The following SPOUT1 variants were observed in gnomAD, a reference collection of about 807,000 sequenced individuals.
SPOUT1 encodes the protein SPOUT domain containing methyltransferase 1.
A neutral mutation model predicts 54.8 loss-of-function variants in SPOUT1; 40 were observed. The observed-to-expected ratio is 0.73, with a 90% CI of 0.57 to 0.95. SPOUT1 has a LOEUF of 0.95. Among genes scored for constraint, SPOUT1 ranks in the 40% least tolerant of loss-of-function variants. SPOUT1 has a pLI of 0.00. For missense variants in SPOUT1, 437 were observed against 499.5 expected, an observed-to-expected ratio of 0.87 and a Z score of 1.19; for synonymous variants, 193 against 200.3, an observed-to-expected ratio of 0.96 and a Z score of 0.31.
In SPOUT1 at chr9:128,825,029, G is replaced by A. The variant is rs984805935; in HGVS notation, c.660C>T (p.Asn220=). Residue 220 remains asparagine (N), a synonymous_variant, in exon 8 of 12, where the codon AAC becomes AAT. Transcript: ENST00000361256. Reference sequence around the variant, plus strand: ...CAGTCACCCGAAGCCCGGGCTCCAGGTTCTTGTCAATCTTCACCTCCTGGG... The same window carrying A: ...CAGTCACCCGAAGCCCGGGCTCCAGATTCTTGTCAATCTTCACCTCCTGGG... ...GMKKEVKIDK[N]LEPGLRVTVR... The A allele has an allele frequency of 6.3e-6, 10 of 1,575,308 alleles. No individual in the cohort carries two copies. The highest frequency in any genetic ancestry group is 1.9e-4 in the Middle Eastern group (1 of 5,164).
intron 3 of SPOUT1, 100 bp from the exon 4 acceptor site, chr9:128,827,291 C>T (rs1455575926): frequency 1.7e-6 from 2 of 1,188,522 alleles, no homozygotes; most frequent in African/African-American, 1.5e-5. Flanking sequence ...TGAGAATTTC[C>T]CAAGTGGGAG....
intron 7 of SPOUT1, among the ~76,000 whole-genome samples, chr9:128,825,325 CTTT>C (rs11396054): frequency 6.6e-6 from 1 of 151,916 alleles, no homozygotes; most frequent in Non-Finnish European, 1.5e-5. Context: ...AGCTCTGCAA[CTTT>C]TTTTTCTTTT....
chr9:128,829,173 G>C lies in SPOUT1; in HGVS notation c.37-18C>G. On this transcript the variant is annotated intron_variant, in intron 1 of 11. Transcript: ENST00000361256. ...TGTTCACCCTGGAGAAGGAGTGGTAGGAGGATTATGAGTGTGAGGCTGATG... is the reference window on the plus strand; with the variant it reads ...TGTTCACCCTGGAGAAGGAGTGGTACGAGGATTATGAGTGTGAGGCTGATG... 6.2e-7 allele frequency: 1 copy of C among 1,611,324 alleles called. No homozygotes were observed. Among genetic ancestry groups the C allele is most frequent in the Non-Finnish European group, 8.5e-7 (1 of 1,177,432 alleles).
rs200240370 is a variant in SPOUT1, at chr9:128,825,028, G to A, written c.661C>T (p.Leu221=). The change falls in exon 8 of 12, where the codon CTG becomes TTG. Residue 221 remains leucine (L), a synonymous_variant. Coordinates refer to ENST00000361256, the MANE Select transcript of SPOUT1 (RefSeq NM_016390.4). ...MKKEVKIDKN[L]EPGLRVTVRL... Reference sequence around the variant, plus strand: ...ACAGTCACCCGAAGCCCGGGCTCCAGGTTCTTGTCAATCTTCACCTCCTGG... The same window carrying A: ...ACAGTCACCCGAAGCCCGGGCTCCAAGTTCTTGTCAATCTTCACCTCCTGG... The A allele has an allele frequency of 4.4e-6, 7 of 1,575,922 alleles. No individual in the cohort carries two copies. The highest frequency in any genetic ancestry group is 4.0e-5 in the African/African-American group (3 of 74,316).
rs1481501332 is a variant in SPOUT1, at chr9:128,826,370, C to T, written c.508+14G>A. 1 of 1,613,576 alleles carries T rather than the reference C, an allele frequency of 6.2e-7. No homozygotes were observed. The highest frequency in any genetic ancestry group is 1.3e-5 in the African/African-American group (1 of 75,010). ...ATCCAGGGGAAATGGGGGGGCGGGC[C>T]CATACAGCGTTACCTGCAAACTGTA... is the stretch of plus-strand genomic sequence containing the variant. On this transcript the variant is annotated intron_variant, in intron 6 of 11. Transcript: ENST00000361256. The surrounding 1 kb of genome is among the most constrained non-coding windows in gnomAD (Gnocchi z 5.5).
intron 1 of SPOUT1, among the ~76,000 whole-genome samples, chr9:128,829,441 C>A (rs763846205): frequency 6.6e-6 from 1 of 152,184 alleles, no homozygotes; most frequent in Non-Finnish European, 1.5e-5. Context: ...CCCACAGTCG[C>A]CCTGGAAGTC....
At position 128,826,312 on chromosome 9, in the gene SPOUT1, G is replaced by C; in HGVS notation, c.508+72C>G. 3.2e-6 allele frequency: 5 copies of C among 1,578,760 alleles called. No individual in the cohort carries two copies. On this transcript the variant is annotated intron_variant, in intron 6 of 11. Transcript: ENST00000361256. The surrounding 1 kb of genome is among the most constrained non-coding windows in gnomAD (Gnocchi z 5.5). ...TGCTTTCCCACCTGGACAGCGCAGGGTAGGACTGGGTGGTCTCAGTGTCTG... is the reference window on the plus strand; with the variant it reads ...TGCTTTCCCACCTGGACAGCGCAGGCTAGGACTGGGTGGTCTCAGTGTCTG...
rs768068689 is a variant in SPOUT1 at position 128,822,684 on chromosome 9, C to G, written c.*81G>C. ...AAGGTGGTGATTTTTGGAGACAAGT[C>G]TGGTGGCGTCCGTCCCAAGTGACCT... On this transcript the variant is annotated 3_prime_UTR_variant, in exon 12 of 12. Coordinates refer to ENST00000361256, the MANE Select transcript of SPOUT1 (RefSeq NM_016390.4). 6.4e-7 allele frequency: 1 copy of G among 1,553,428 alleles called. No individual in the cohort carries two copies. The highest frequency in any genetic ancestry group is 1.4e-5 in the African/African-American group (1 of 73,248).
At position 128,822,254 on chromosome 9, in the gene SPOUT1, G is replaced by A. The variant is rs1589590817; in HGVS notation, c.*511C>T. On this transcript the variant is annotated 3_prime_UTR_variant, in exon 12 of 12. Transcript: ENST00000361256. ...TGACAGAAGTTAGAGGACAGATCAG[G>A]GAAGGCTGCCTGGAAGAGGTGGCTT... The A allele has an allele frequency of 3.2e-6, 5 of 1,550,170 alleles. No individual in the cohort carries two copies. The East Asian group carries it at 6.8e-5, about 21-fold the overall frequency.
intron 3 of SPOUT1, 71 bp from the exon 4 acceptor site, chr9:128,827,262 G>C: frequency 7.1e-7 from 1 of 1,406,246 alleles, no homozygotes; most frequent in Non-Finnish European, 9.7e-7. Context: ...CCCTTCCTCT[G>C]TCCCTAGCGC....
chr9:128,828,805 C>A lies in SPOUT1; in HGVS notation c.138G>T (p.Arg46=), dbSNP rs1423824314. The stretch of plus-strand genomic sequence containing the variant: ...TTGCCTGTTCCTCCTGTGCCCGCTG[C>A]CGCTCCAGTTTTTTCATCAGCTTGA... The part of the protein sequence containing the change: ...KDLKLMKKLE[R]QRAQEEQAKR... Residue 46 remains arginine, a synonymous_variant, in exon 3 of 12, where the codon CGG becomes CGT. Transcript: ENST00000361256. 2 of 1,614,184 alleles carry A rather than the reference C, an allele frequency of 1.2e-6. No individual in the cohort carries two copies. Among genetic ancestry groups the A allele is most frequent in the Non-Finnish European group, 1.7e-6 (2 of 1,180,014 alleles).
In SPOUT1 at chr9:128,826,314, A is replaced by G; in HGVS notation, c.508+70T>C. The stretch of plus-strand genomic sequence containing the variant: ...CTTTCCCACCTGGACAGCGCAGGGT[A>G]GGACTGGGTGGTCTCAGTGTCTGTG... On this transcript the variant is annotated intron_variant, in intron 6 of 11. Coordinates refer to ENST00000361256, the MANE Select transcript of SPOUT1 (RefSeq NM_016390.4). This position sits in a 1 kb window ranked among gnomAD's most constrained non-coding sequence, Gnocchi z 5.5. The G allele has an allele frequency of 1.3e-6, 2 of 1,577,928 alleles. No individual in the cohort carries two copies. Among genetic ancestry groups the G allele is most frequent in the Non-Finnish European group, 1.7e-6 (2 of 1,147,228 alleles).
intron 3 of SPOUT1, 67 bp from the exon 4 acceptor site, chr9:128,827,258 C>A: frequency 6.9e-7 from 1 of 1,450,332 alleles, no homozygotes; most frequent in Non-Finnish European, 9.4e-7. Context: ...CTCTCCCTTC[C>A]TCTGTCCCTA....
intron 7 of SPOUT1, 180 bp downstream of exon 7, chr9:128,825,842 A>C (rs1356509453): frequency 2.9e-6 from 2 of 696,198 alleles, no homozygotes; most frequent in Non-Finnish European, 4.9e-6. Flanking sequence ...CTTTTTAAGC[A>C]ACAGTAAATT....
Position 128,829,271 on chromosome 9 carries a change from A to G in SPOUT1, c.37-116T>C. The G allele has an allele frequency of 3.5e-6, 3 of 869,460 alleles. No individual in the cohort carries two copies. In the South Asian group the frequency reaches 4.0e-5, roughly 12 times the overall value. 53.9% of individuals were successfully genotyped at this position (869,460 alleles called of 1,614,324 possible). A position where few individuals can be genotyped will look rare whatever the true frequency, so the allele number is the denominator to read the frequency against. ...ACACGGGGCGGCAAGGAAGCCAAGG[A>G]ACCTCTGCGAACTGCTGCCCCAGAA... On this transcript the variant is annotated intron_variant, in intron 1 of 11. Coordinates refer to ENST00000361256, the MANE Select transcript of SPOUT1 (RefSeq NM_016390.4).
chr9:128,826,720 A>C lies in SPOUT1; in HGVS notation c.369-91T>G. On this transcript the variant is annotated intron_variant, in intron 4 of 11. Transcript: ENST00000361256. This position sits in a 1 kb window ranked among gnomAD's most constrained non-coding sequence, Gnocchi z 5.5. ...TGCACGCGTATAATCCCAGCTACTC[A>C]GGAGGCTAAGGTGGGAGGATCATCT... The C allele has an allele frequency of 1.1e-6, 1 of 924,452 alleles. No individual in the cohort carries two copies. The highest frequency in any genetic ancestry group is 1.6e-6 in the Non-Finnish European group (1 of 612,478). The allele number at this position is 924,452 out of a possible 1,614,324, so 57.3% of individuals were successfully genotyped here.
rs749670943 is a variant in SPOUT1 at position 128,827,172 on chromosome 9, G to A, written c.228C>T (p.Ser76=). The A allele has an allele frequency of 6.8e-6, 11 of 1,613,220 alleles. No homozygotes were observed. Among genetic ancestry groups the A allele is most frequent in the South Asian group, 2.2e-5 (2 of 91,080 alleles). The change falls in exon 4 of 12, where the codon AGC becomes AGT. Residue 76 remains serine (S), a synonymous_variant. Transcript: ENST00000361256. ...KEDRGRPYTL[S]VALPGSILDN... is the part of the protein sequence containing the mutation. ...CCAGGATGGAGCCCGGCAGGGCTAC[G>A]CTCAGTGTGTAGGGCCGCCCTGAGC...
rs768476199 is a variant in SPOUT1 at position 128,828,735 on chromosome 9, C to A, written c.208G>T (p.Gly70Trp). 1 of 1,613,402 alleles carries A rather than the reference C, an allele frequency of 6.2e-7. No individual in the cohort carries two copies. Among genetic ancestry groups the A allele is most frequent in the Non-Finnish European group, 8.5e-7 (1 of 1,180,006 alleles). The change falls in exon 3 of 12, where the codon GGG (glycine) becomes TGG (tryptophan). Residue 70 changes from glycine to tryptophan, a missense_variant and splice_region_variant. Physicochemically the swap from Gly to Trp is radical, Grantham distance 184 (BLOSUM62 -2). Coordinates refer to ENST00000361256, the MANE Select transcript of SPOUT1 (RefSeq NM_016390.4). ...EEAAAEKEDR[G>W]RPYTLSVALP... ...GGCCCTCCCCAAGACCCCAGCTCAC[C>A]GCGGTCCTCCTTCTCTGCCGCTGCC...
At position 128,821,323 on chromosome 9, in the gene SPOUT1, C is replaced by A. The variant is rs918877291; in HGVS notation, c.*1442G>T. On this transcript the variant is annotated 3_prime_UTR_variant, in exon 12 of 12. Coordinates refer to ENST00000361256, the MANE Select transcript of SPOUT1 (RefSeq NM_016390.4). The stretch of plus-strand genomic sequence containing the variant: ...GCTCTCCCGCCTTCCCCATGCAGGT[C>A]CCCAGTGCACCGAGCTCTCACGCCT... 3 of 180,190 alleles carry A rather than the reference C, an allele frequency of 1.7e-5. No homozygotes were observed. The South Asian group carries it at 2.9e-4, about 18-fold the overall frequency. The allele number at this position is 180,190 out of a possible 1,614,324, so 11.2% of individuals were successfully genotyped here.
Sources: gnomAD v4.1 joint callset for allele counts (sites outside exome capture counted in the v4.1 genomes callset) on GRCh38, gnomAD v4.1.1 for gene constraint, Gnocchi (gnomAD v3.1) non-coding constraint, MANE v1.5 for transcripts, NCBI Gene and HGNC (gene_info 2026-07-23, HGNC 2026-07-21) for gene names.